The following ACAD9 variants were observed in gnomAD, a reference collection of about 807,000 sequenced individuals.
The protein encoded by ACAD9 is complex I assembly factor ACAD9, mitochondrial.
Under a neutral mutation model 70.2 loss-of-function variants are expected in ACAD9, and 53 were observed. The observed-to-expected ratio is 0.75, with a 90% CI of 0.61 to 0.95. The LOEUF is 0.95. ACAD9 is among the 40% of genes least tolerant of loss of function. The pLI, the probability that ACAD9 is intolerant of heterozygous loss-of-function variation, is 0.00. For missense variants in ACAD9, 777 were observed against 802.8 expected (o/e 0.97, Z 0.39); for synonymous variants, 313 against 312.1 (o/e 1.00, Z -0.03).
At chr3:128,895,261 G>A (rs1935536960) in intron 3 of ACAD9, 49 bp from the exon 4 acceptor site, 1 of 1,441,792 alleles carries the variant, frequency 6.9e-7, no homozygotes. Flanking sequence ...AGCCTTAATG[G>A]GAGGAATCTA....
At chr3:128,905,263 T>C (rs558830727) in intron 11 of ACAD9, among the ~76,000 whole-genome samples, 1 of 152,356 alleles carries the variant, frequency 6.6e-6, no homozygotes, top group East Asian at 1.9e-4. Context: ...TAGTCCCTGC[T>C]ACCTGGGAGG....
intron 1 of ACAD9, 25 bp from the exon 2 acceptor site, chr3:128,884,628 T>G: frequency 6.4e-7 from 1 of 1,558,670 alleles, no homozygotes; most frequent in South Asian, 1.1e-5. Context: ...AATTAAATTT[T>G]TTAGAAAATA....
At chr3:128,909,258 G>GC (rs1466502008) in intron 14 of ACAD9, 86 bp from the exon 15 acceptor site, 1 of 1,598,604 alleles carries the variant, frequency 6.3e-7, no homozygotes, top group African/African-American at 1.3e-5. Context: ...CCCAGATGGG[G>GC]CATCTCTGCC....
intron 13 of ACAD9, 113 bp downstream of exon 13, chr3:128,908,377 G>A (rs1935970031): frequency 3.8e-6 from 5 of 1,306,676 alleles, no homozygotes; most frequent in African/African-American, 2.9e-5. Context: ...GCATGGGGGT[G>A]TGGCGCAGCC....
At chr3:128,906,011 C>T in intron 11 of ACAD9, 110 bp from the exon 12 acceptor site, 1 of 1,492,142 alleles carries the variant, frequency 6.7e-7, no homozygotes. Context: ...CAAGTTCCTC[C>T]CTGGCCGATC....
chr3:128,909,480 T>G, intron 15 of ACAD9, 59 bp downstream of exon 15: 1 of 1,530,488 alleles, frequency 6.5e-7, no homozygotes, highest in Non-Finnish European at 9.0e-7. Context: ...CCAGCATTCA[T>G]GAGACTACTT....
intron 3 of ACAD9, 97 bp downstream of exon 3, chr3:128,893,753 TC>T (rs1935488931): frequency 8.7e-6 from 9 of 1,037,744 alleles, no homozygotes; most frequent in Non-Finnish European, 1.2e-5. Flanking sequence ...GATGACACCA[TC>T]CGTGGTGGGC....
chr3:128,912,562 G>A lies in ACAD9; in HGVS notation c.1821G>A (p.Glu607=). The part of the protein sequence containing the change: ...QIKKVSQQIL[E]KRAYICAHPL... ...AGAAAGTGTCCCAGCAGATCCTTGA[G>A]AAGCGAGCCTATATCTGTGCCCACC... The change falls in exon 18 of 18, where the codon GAG becomes GAA. Residue 607 remains glutamate, a synonymous_variant. Coordinates refer to ENST00000308982, the MANE Select transcript of ACAD9 (RefSeq NM_014049.5). The A allele has an allele frequency of 6.2e-7, 1 of 1,614,196 alleles. No homozygotes were observed. The highest frequency in any genetic ancestry group is 8.5e-7 in the Non-Finnish European group (1 of 1,180,038).
At chr3:128,893,326 A>G (rs1935476360) in intron 2 of ACAD9, among the ~76,000 whole-genome samples, 1 of 152,118 alleles carries the variant, frequency 6.6e-6, no homozygotes, top group Admixed American at 6.6e-5. Context: ...TCCAGCCTGG[A>G]TATCAGAGTG....
intron 2 of ACAD9, among the ~76,000 whole-genome samples, chr3:128,885,360 A>G (rs1935214504): frequency 6.6e-6 from 1 of 152,088 alleles, no homozygotes; most frequent in African/African-American, 2.4e-5. Flanking sequence ...TTATCTATCA[A>G]TATTTGCCAT....
Position 128,910,804 on chromosome 3 carries a change from C to G in ACAD9, c.1756C>G (p.Leu586Val), listed in dbSNP as rs1936209143. The change falls in exon 17 of 18, where the codon CTG becomes GTG. Residue 586 changes from leucine to valine, a missense_variant. Leu to Val is a conservative substitution (Grantham distance 32). Transcript: ENST00000308982. Reference sequence around the variant, plus strand: ...GCAGAATCTCTTCAGCCTCTCTCAGCTGGACAAGTGTGAGTGGCATGTCTT... The same window carrying G: ...GCAGAATCTCTTCAGCCTCTCTCAGGTGGACAAGTGTGAGTGGCATGTCTT... ...YLQNLFSLSQ[L>V]DKYAPENLDE... The G allele has an allele frequency of 1.2e-6, 2 of 1,614,198 alleles. No homozygotes were observed. Among genetic ancestry groups the G allele is most frequent in the Non-Finnish European group, 8.5e-7 (1 of 1,180,044 alleles).
intron 11 of ACAD9, among the ~76,000 whole-genome samples, chr3:128,905,219 T>C (rs148644786): frequency 1.3e-5 from 2 of 152,196 alleles, no homozygotes; most frequent in Non-Finnish European, 2.9e-5. Flanking sequence ...CTACAAAAAA[T>C]ACAAAAATTA....
At position 128,908,165 on chromosome 3, in the gene ACAD9, C is replaced by T. The variant is rs1935954982; in HGVS notation, c.1279-20C>T. On this transcript the variant is annotated intron_variant, in intron 12 of 17. Transcript: ENST00000308982. ...GCCTGGCCGGGGGGCAGCCTTTGAC[C>T]TCTACACTACTGACCACAGGGAACC... is the stretch of plus-strand genomic sequence containing the variant. The T allele has an allele frequency of 6.2e-7, 1 of 1,613,234 alleles. No homozygotes were observed. The highest frequency in any genetic ancestry group is 1.3e-5 in the African/African-American group (1 of 74,888).
intron 4 of ACAD9, 45 bp downstream of exon 4, chr3:128,895,461 T>C: frequency 6.6e-7 from 1 of 1,513,108 alleles, no homozygotes; most frequent in Non-Finnish European, 9.0e-7. Flanking sequence ...GTAGGTCTTC[T>C]GGAGTCACAT....
In ACAD9 at chr3:128,892,163, A is replaced by ATT. The variant is rs1935439321; in HGVS notation, c.245-1392_245-1391insTT. The stretch of plus-strand genomic sequence containing the variant: ...GGATCGATCACAAAGGGGCATAGAG[A>ATT]CTTTTGGTGAAAAAGGAAATGTTTT... On this transcript the variant is annotated intron_variant, in intron 2 of 17. Transcript: ENST00000308982. Among the ~76,000 whole-genome samples, 4 of 152,210 alleles carry ATT rather than the reference A, an allele frequency of 2.6e-5. No individual in the cohort carries two copies. In the South Asian group the frequency reaches 6.2e-4, roughly 24 times the overall value.
intron 17 of ACAD9, 72 bp from the exon 18 acceptor site, chr3:128,912,435 C>A: frequency 7.2e-7 from 1 of 1,397,114 alleles, no homozygotes; most frequent in Non-Finnish European, 1.0e-6. Context: ...TGGAAAAATG[C>A]CCCCACTTCA....
chr3:128,883,079 T>G (rs1935139447), intron 1 of ACAD9, among the ~76,000 whole-genome samples: 1 of 151,678 alleles, frequency 6.6e-6, no homozygotes, highest in African/African-American at 2.4e-5. Context: ...GCTTGTTTTT[T>G]TTTTTTTTTC....
rs754188892 is a variant in ACAD9 at position 128,896,505 on chromosome 3, A to C, written c.523A>C (p.Ile175Leu). 1.9e-6 allele frequency: 3 copies of C among 1,614,058 alleles called. No homozygotes were observed. Among genetic ancestry groups the C allele is most frequent in the African/African-American group, 1.3e-5 (1 of 74,920 alleles). Residue 175 changes from isoleucine to leucine, a missense_variant, in exon 5 of 18, where the codon ATT becomes CTT. By Grantham distance (5) the Ile-to-Leu change is conservative (BLOSUM62 2). Transcript: ENST00000308982. ...YLPKLASGEH[I>L]AAFCLTEPAS... ...GCCTAAACTGGCGTCCGGGGAGCACATTGCAGCCTTCTGCCTCACGGAGCC... is the reference window on the plus strand; with the variant it reads ...GCCTAAACTGGCGTCCGGGGAGCACCTTGCAGCCTTCTGCCTCACGGAGCC...
intron 2 of ACAD9, 39 bp from the exon 3 acceptor site, chr3:128,893,516 T>A: frequency 7.0e-7 from 1 of 1,433,576 alleles, no homozygotes. Context: ...TGTAGAAACA[T>A]AGCTTATATT....
Sources: gnomAD v4.1 joint callset for allele counts (sites outside exome capture counted in the v4.1 genomes callset) on GRCh38, gnomAD v4.1.1 for gene constraint, MANE v1.5 for transcripts, NCBI Gene and HGNC (gene_info 2026-07-23, HGNC 2026-07-21) for gene names.